Variants in CHN2 observed in about 807,000 individuals in gnomAD.
CHN2 encodes the protein chimerin 2.
A neutral mutation model predicts 56.3 loss-of-function variants in CHN2; 35 were observed. The ratio of observed to expected loss-of-function variants is 0.62; its 90% CI spans 0.47 to 0.82. CHN2 has a LOEUF of 0.82. CHN2 is among the 40% of genes least tolerant of loss of function. The pLI is 0.00. For missense variants in CHN2, 491 were observed against 580.5 expected (o/e 0.85, Z 1.58); for synonymous variants, 210 against 212.8 (o/e 0.99, Z 0.12).
intron 1 of CHN2, among the ~76,000 whole-genome samples, chr7:29,298,513 G>T (rs1793373831): frequency 6.6e-6 from 1 of 152,168 alleles, no homozygotes; most frequent in South Asian, 2.1e-4. Context: ...GTAACTGGTG[G>T]CTACAGTAAT....
intron 1 of CHN2, among the ~76,000 whole-genome samples, chr7:29,226,147 CTT>C (rs1324251180): frequency 6.6e-6 from 1 of 152,118 alleles, no homozygotes; most frequent in African/African-American, 2.4e-5. Flanking sequence ...AATGAGCTGT[CTT>C]TTCTCAATTG....
chr7:29,171,652 G>A (rs182277901), intron 2 of CHN2, among the ~76,000 whole-genome samples: 16 of 152,220 alleles, frequency 1.1e-4, no homozygotes, highest in African/African-American at 2.9e-4. Flanking sequence ...ATACTTGTCC[G>A]GAGATGAACA....
At chr7:29,290,867 A>G (rs1792549151) in intron 1 of CHN2, among the ~76,000 whole-genome samples, 1 of 152,162 alleles carries the variant, frequency 6.6e-6, no homozygotes, top group Non-Finnish European at 1.5e-5. Context: ...TTATTAAAAA[A>G]ATTTAGAACA....
intron 3 of CHN2, among the ~76,000 whole-genome samples, chr7:29,373,254 G>A (rs10260820): frequency 0.014 from 2,161 of 150,732 alleles, 49 homozygotes; most frequent in African/African-American, 0.049. Flanking sequence ...TTGACTCACC[G>A]CAATCTCTGC....
At chr7:29,444,191 C>T (rs562428302) in intron 6 of CHN2, among the ~76,000 whole-genome samples, 1 of 152,210 alleles carries the variant, frequency 6.6e-6, no homozygotes, top group Non-Finnish European at 1.5e-5. Flanking sequence ...TCTATATATG[C>T]ATACCTTTTT....
At chr7:29,297,231 G>C (rs575447652) in intron 1 of CHN2, among the ~76,000 whole-genome samples, 17 of 152,194 alleles carry the variant, frequency 1.1e-4, no homozygotes, top group Non-Finnish European at 1.6e-4. Context: ...GAGGGGCCAG[G>C]CTCCTCGCCC....
At chr7:29,492,357 T>A (rs1788758256) in intron 7 of CHN2, among the ~76,000 whole-genome samples, 1 of 152,208 alleles carries the variant, frequency 6.6e-6, no homozygotes, top group Non-Finnish European at 1.5e-5. Context: ...CAGATTATTT[T>A]TATTTATCTG....
At position 29,387,732 on chromosome 7, in the gene CHN2, C is replaced by T. The variant is rs571242618; in HGVS notation, c.145-5947C>T. On this transcript the variant is annotated intron_variant, in intron 3 of 12. Transcript: ENST00000222792. ...ATATAGCACATTATATCTGTAATTT[C>T]CCTACCTTTTCCCTGAGGGTTTAGC... 2.6e-5 allele frequency among the ~76,000 whole-genome samples: 4 copies of T among 152,328 alleles called. No individual in the cohort carries two copies. In the South Asian group the frequency reaches 8.3e-4, roughly 32 times the overall value.
chr7:29,467,759 C>T (rs1470333320), intron 6 of CHN2, among the ~76,000 whole-genome samples: 1 of 152,134 alleles, frequency 6.6e-6, no homozygotes, highest in East Asian at 1.9e-4. Context: ...TGAGAAGTCT[C>T]TTAAGCTCAG....
chr7:29,180,857 G>GT (rs1431178038), intron 2 of CHN2, among the ~76,000 whole-genome samples: 2 of 152,144 alleles, frequency 1.3e-5, no homozygotes, highest in South Asian at 2.1e-4. Flanking sequence ...GTTCTAATTT[G>GT]TAATATGGAG....
chr7:29,295,578 T>TAA (rs200153739), intron 1 of CHN2, among the ~76,000 whole-genome samples: 43 of 144,144 alleles, frequency 3.0e-4, no homozygotes, highest in African/African-American at 1.0e-3. Context: ...CCCATCTATT[T>TAA]AAAAAAAAAA....
At chr7:29,387,134 A>T (rs3793275) in intron 3 of CHN2, among the ~76,000 whole-genome samples, 10,443 of 152,220 alleles carry the variant, frequency 0.069, 381 homozygotes, top group Middle Eastern at 0.1. Context: ...CTTAAATGAG[A>T]CAAAAGGAGA....
intron 1 of CHN2, among the ~76,000 whole-genome samples, chr7:29,305,852 C>G (rs1053951345): frequency 2.6e-4 from 39 of 151,932 alleles, no homozygotes; most frequent in Non-Finnish European, 5.0e-4. Context: ...TCCTTTCTCT[C>G]TTTCTCCCCT....
chr7:29,275,740 C>T (rs1047677098), intron 1 of CHN2, among the ~76,000 whole-genome samples: 4 of 152,070 alleles, frequency 2.6e-5, no homozygotes, highest in Non-Finnish European at 4.4e-5. Flanking sequence ...ACTCAGGTTG[C>T]ACATGGCTGG....
chr7:29,191,371 A>G (rs943478488), upstream of CHN2, among the ~76,000 whole-genome samples: 2 of 152,228 alleles, frequency 1.3e-5, no homozygotes, highest in Non-Finnish European at 2.9e-5. Flanking sequence ...CTGCCTTGGG[A>G]ATCAGGGAAA....
At chr7:29,216,500 A>T (rs1785355091) in intron 1 of CHN2, among the ~76,000 whole-genome samples, 1 of 152,162 alleles carries the variant, frequency 6.6e-6, no homozygotes, top group African/African-American at 2.4e-5. Context: ...ATCAAATTAC[A>T]TTTCTTTCTT....
intron 1 of CHN2, among the ~76,000 whole-genome samples, chr7:29,257,288 A>G (rs1259728023): frequency 6.6e-6 from 1 of 152,050 alleles, no homozygotes; most frequent in Non-Finnish European, 1.5e-5. Context: ...ACTGTGTCCT[A>G]TATGTGTCTT....
intron 1 of CHN2, among the ~76,000 whole-genome samples, chr7:29,268,314 A>ACACACACACACACACT (rs1363234299): frequency 6.6e-6 from 1 of 151,886 alleles, no homozygotes; most frequent in Non-Finnish European, 1.5e-5. Context: ...ACACACACAC[A>ACACACACACACACACT]CACACACAAT....
intron 2 of CHN2, among the ~76,000 whole-genome samples, chr7:29,149,094 A>G (rs1417450803): frequency 2.6e-5 from 4 of 151,938 alleles, no homozygotes; most frequent in African/African-American, 9.7e-5. Flanking sequence ...TACTGAGGTT[A>G]GAAAATTAGA....
Sources: gnomAD v4.1 joint callset for allele counts (sites outside exome capture counted in the v4.1 genomes callset) on GRCh38, gnomAD v4.1.1 for gene constraint, MANE v1.5 for transcripts, NCBI Gene and HGNC (gene_info 2026-07-23, HGNC 2026-07-21) for gene names.